AKAP8: variants seen among roughly 807,000 people sequenced by gnomAD.
AKAP8 encodes the protein A-kinase anchoring protein 8, also known as A-kinase anchor protein 8.
AKAP8 carries 24 observed loss-of-function variants against 67.5 expected under a neutral mutation model. That is an observed-to-expected ratio of 0.36 (90% CI 0.26 to 0.50). The LOEUF (loss-of-function observed/expected upper bound fraction) is 0.50. Ranked by LOEUF, AKAP8 falls within the 20% of genes least tolerant of loss-of-function variation. The pLI is 0.97. For synonymous variants in AKAP8, 400 were observed against 371.1 expected (o/e 1.08, Z -0.90); for missense variants, 971 against 955.9 (o/e 1.02, Z -0.21).
intron 7 of AKAP8, 83 bp downstream of exon 7, chr19:15,371,869 G>A (rs761675359): frequency 1.0e-4 from 154 of 1,467,114 alleles, no homozygotes; most frequent in Non-Finnish European, 1.4e-4. Context: ...CATGGCAGCT[G>A]CTCCTGCCCC....
intron 9 of AKAP8, 71 bp downstream of exon 9, chr19:15,368,164 C>T: frequency 1.9e-6 from 3 of 1,583,274 alleles, no homozygotes; most frequent in Non-Finnish European, 2.6e-6. Context: ...GGAGCGAGGA[C>T]AGGTGAGCTC....
chr19:15,376,852 C>A (rs1232648416), intron 2 of AKAP8, 124 bp downstream of exon 2: 3 of 1,117,974 alleles, frequency 2.7e-6, no homozygotes, highest in African/African-American at 3.1e-5. Context: ...ACTATCTGAT[C>A]TTTTACACAA....
intron 4 of AKAP8, 27 bp downstream of exon 4, chr19:15,373,759 C>T (rs372235196): frequency 1.6e-5 from 26 of 1,588,118 alleles, no homozygotes; most frequent in African/African-American, 5.4e-5. Flanking sequence ...TGTGGGGTCC[C>T]GGGGGAGGGC....
At chr19:15,370,046 G>A (rs1027758237) in intron 8 of AKAP8, 100 bp downstream of exon 8, 27 of 1,448,472 alleles carry the variant, frequency 1.9e-5, no homozygotes, top group Non-Finnish European at 2.6e-5. Flanking sequence ...ACAGCCACGG[G>A]CCCCTCCATC....
At position 15,368,232 on chromosome 19, in the gene AKAP8, C is replaced by T; in HGVS notation, c.1160+3G>A. On this transcript the variant is annotated splice_donor_region_variant and intron_variant, in intron 9 of 13. Transcript: ENST00000269701. ...CCTGTGGGGTCGTGTGCCCGCGCCTCACCTGTCGGCTGCACGGTCCCGCGT... is the reference window on the plus strand; with the variant it reads ...CCTGTGGGGTCGTGTGCCCGCGCCTTACCTGTCGGCTGCACGGTCCCGCGT... 6.2e-7 allele frequency: 1 copy of T among 1,611,656 alleles called. No individual in the cohort carries two copies.
In AKAP8 at chr19:15,372,012, AGAAAG is replaced by A; in HGVS notation, c.992-19_992-15del. 1 of 1,614,086 alleles carries A rather than the reference AGAAAG, an allele frequency of 6.2e-7. No individual in the cohort carries two copies. Among genetic ancestry groups the A allele is most frequent in the Non-Finnish European group, 8.5e-7 (1 of 1,180,022 alleles). On this transcript the variant is annotated splice_polypyrimidine_tract_variant and intron_variant, in intron 6 of 13. Transcript: ENST00000269701. Reference sequence around the variant, plus strand: ...CAGCTGCGTCATCTGCCAGACACAAAGAAAGGAAAAGTCAGTCCCCGGAGAACGGT... The same window carrying A: ...CAGCTGCGTCATCTGCCAGACACAAAGAAAAGTCAGTCCCCGGAGAACGGT...
chr19:15,377,554 C>T (rs1021483836), intron 1 of AKAP8, among the ~76,000 whole-genome samples: 23 of 152,282 alleles, frequency 1.5e-4, no homozygotes, highest in Non-Finnish European at 2.5e-4. Context: ...CTGCAAGCTC[C>T]GCCTCCTGGG....
intron 2 of AKAP8, among the ~76,000 whole-genome samples, chr19:15,375,847 C>T (rs10419999): frequency 0.038 from 5,841 of 151,868 alleles, 364 homozygotes; most frequent in African/African-American, 0.13. Flanking sequence ...ACTGTGTTAG[C>T]CAGGATGGTC....
chr19:15,366,576 C>T (rs535391099), intron 9 of AKAP8, among the ~76,000 whole-genome samples: 174 of 151,014 alleles, frequency 1.2e-3, no homozygotes, highest in Admixed American at 4.0e-3. Flanking sequence ...CCGTCGCCCA[C>T]GCTGGAGTGC....
chr19:15,361,689 T>C (rs777294386), intron 11 of AKAP8, 40 bp downstream of exon 11: 1 of 1,560,830 alleles, frequency 6.4e-7, no homozygotes, highest in Non-Finnish European at 8.8e-7. Flanking sequence ...CATGCCTTAC[T>C]ACCATCCAGG....
At chr19:15,365,923 G>A (rs978614440) in intron 9 of AKAP8, among the ~76,000 whole-genome samples, 2 of 151,692 alleles carry the variant, frequency 1.3e-5, no homozygotes, top group East Asian at 1.9e-4. Flanking sequence ...CTTGGGAGGC[G>A]GAGGTAGGAG....
intron 1 of AKAP8, chr19:15,379,408 G>C (rs908229942): frequency 2.4e-5 from 9 of 376,326 alleles, no homozygotes; most frequent in Non-Finnish European, 4.3e-5. Context: ...CTCCGCCGAA[G>C]GTGAGGGGCA....
intron 13 of AKAP8, among the ~76,000 whole-genome samples, chr19:15,356,584 C>T (rs572267481): frequency 2.0e-5 from 3 of 151,818 alleles, no homozygotes; most frequent in South Asian, 2.1e-4. Flanking sequence ...GGCAACGTGG[C>T]GAATCAAGAT....
At position 15,359,082 on chromosome 19, in the gene AKAP8, T is replaced by A; in HGVS notation, c.1528-20A>T. The A allele has an allele frequency of 6.2e-7, 1 of 1,607,678 alleles. No individual in the cohort carries two copies. On this transcript the variant is annotated intron_variant, in intron 12 of 13. Coordinates refer to ENST00000269701, the MANE Select transcript of AKAP8 (RefSeq NM_005858.4). Reference sequence around the variant, plus strand: ...AGCCAACTGCAAAGGGAACCAAATGTGAGCTCTTAAAAATGGCAAAGATTA... The same window carrying A: ...AGCCAACTGCAAAGGGAACCAAATGAGAGCTCTTAAAAATGGCAAAGATTA...
chr19:15,367,300 C>A (rs531592397), intron 9 of AKAP8, among the ~76,000 whole-genome samples: 1 of 152,098 alleles, frequency 6.6e-6, no homozygotes, highest in Non-Finnish European at 1.5e-5. Context: ...GAGGCCAAGG[C>A]GGGCAGATCA....
chr19:15,356,444 T>C (rs988062685), intron 13 of AKAP8, among the ~76,000 whole-genome samples: 1 of 126,388 alleles, frequency 7.9e-6, no homozygotes, highest in African/African-American at 3.0e-5. Context: ...ATAAAGGGCA[T>C]GTAATAGGAA....
intron 7 of AKAP8, 134 bp from the exon 8 acceptor site, chr19:15,370,313 C>A (rs1330356985): frequency 3.0e-6 from 3 of 987,626 alleles, no homozygotes; most frequent in Non-Finnish European, 4.7e-6. Flanking sequence ...AAGAATGAGC[C>A]ACAGTGTGTT....
chr19:15,378,492 C>A (rs1329671213), intron 1 of AKAP8, among the ~76,000 whole-genome samples: 1 of 152,134 alleles, frequency 6.6e-6, no homozygotes, highest in South Asian at 2.1e-4. Flanking sequence ...ACAATACCTG[C>A]AGAAAAGATC....
At position 15,372,225 on chromosome 19, in the gene AKAP8, G is replaced by T. The variant is rs772240903; in HGVS notation, c.984C>A (p.Ser328=). Residue 328 remains serine (S), a synonymous_variant, in exon 6 of 14, where the codon TCC becomes TCA. Coordinates refer to ENST00000269701, the MANE Select transcript of AKAP8 (RefSeq NM_005858.4). ...CTGGCCCCCAGGACATACCATTTTC[G>T]GAGAAATCTCCTTCACTGTCAACCC... ...LARVDSEGDF[S]ENDDAAGDFR... 7 of 1,614,020 alleles carry T rather than the reference G, an allele frequency of 4.3e-6. No homozygotes were observed. In the African/African-American group the frequency reaches 9.3e-5, roughly 22 times the overall value.
Sources: gnomAD v4.1 joint callset for allele counts (sites outside exome capture counted in the v4.1 genomes callset) on GRCh38, gnomAD v4.1.1 for gene constraint, MANE v1.5 for transcripts, NCBI Gene and HGNC (gene_info 2026-07-23, HGNC 2026-07-21) for gene names.